KALRN: variants seen among roughly 807,000 people sequenced by gnomAD.
KALRN encodes kalirin RhoGEF kinase, also known as kalirin.
Under a neutral mutation model 353.7 loss-of-function variants are expected in KALRN, and 70 were observed. That is an observed-to-expected ratio of 0.20 (90% CI 0.16 to 0.24). KALRN has a LOEUF of 0.24. KALRN is among the 10% of genes least tolerant of loss of function. The pLI is 1.00. For synonymous variants in KALRN, 1,391 were observed against 1,434.8 expected (o/e 0.97, Z 0.69); for missense variants, 2,791 against 3,756.7 (o/e 0.74, Z 6.72).
chr3:124,573,550 G>A (rs921510919), intron 34 of KALRN, among the ~76,000 whole-genome samples: 3 of 152,078 alleles, frequency 2.0e-5, no homozygotes, highest in African/African-American at 7.2e-5. Flanking sequence ...TACCCAGGCT[G>A]GAGTTCAGTG....
At chr3:124,160,709 T>C (rs908369700) in intron 1 of KALRN, among the ~76,000 whole-genome samples, 3 of 151,998 alleles carry the variant, frequency 2.0e-5, no homozygotes, top group African/African-American at 4.8e-5. Context: ...TTTCTCCTCC[T>C]TGGTGTCGGA....
At chr3:124,504,914 G>A (rs1436990649) in intron 33 of KALRN, 2 of 508,384 alleles carry the variant, frequency 3.9e-6, no homozygotes, top group Non-Finnish European at 8.1e-6. Context: ...TGTTAAAGTG[G>A]ATTAGCTGGA....
At position 124,334,098 on chromosome 3, in the gene KALRN, C is replaced by T. The variant is rs7340609; in HGVS notation, c.1417-167C>T. On this transcript the variant is annotated intron_variant, in intron 8 of 59. Coordinates refer to ENST00000682506, the MANE Select transcript of KALRN (RefSeq NM_001388419.1). The surrounding 1 kb of genome is among the most constrained non-coding windows in gnomAD (Gnocchi z 4.2). ...CCAGCTGCTCTGCCCTCCACCAGGC[C>T]GGAGGATGGGCCCCATGGCAGCTCT... Among the ~76,000 whole-genome samples, 10,279 of 152,212 alleles carry T rather than the reference C, an allele frequency of 0.068. 1,140 individuals are homozygous for T. Among genetic ancestry groups the T allele is most frequent in the African/African-American group, 0.23 (9,614 of 41,488 alleles).
At chr3:124,636,064 G>A (rs747714966) in intron 36 of KALRN, among the ~76,000 whole-genome samples, 2 of 152,052 alleles carry the variant, frequency 1.3e-5, no homozygotes, top group South Asian at 4.1e-4. Flanking sequence ...GCTTTTTCCT[G>A]CAGTCCCCAA....
intron 44 of KALRN, among the ~76,000 whole-genome samples, chr3:124,661,562 C>A (rs73193766): frequency 0.026 from 3,994 of 152,310 alleles, 73 homozygotes; most frequent in East Asian, 0.079. Context: ...TCTGAGAAGG[C>A]AAGGGAATTG....
intron 10 of KALRN, among the ~76,000 whole-genome samples, chr3:124,358,024 T>C (rs2083613276): frequency 6.6e-6 from 1 of 152,144 alleles, no homozygotes; most frequent in Admixed American, 6.5e-5. Context: ...CCACATAACC[T>C]GGAACATAAC....
chr3:124,303,695 A>G (rs2077443818), intron 6 of KALRN, among the ~76,000 whole-genome samples: 1 of 152,170 alleles, frequency 6.6e-6, no homozygotes, highest in African/African-American at 2.4e-5. Context: ...TTCATTTTCT[A>G]TTATGACTGT....
intron 55 of KALRN, 63 bp downstream of exon 55, chr3:124,697,787 G>T: frequency 7.2e-7 from 1 of 1,390,378 alleles, no homozygotes; most frequent in Non-Finnish European, 9.6e-7. Flanking sequence ...TTTTAAAATT[G>T]CAGTAAAACA....
Position 124,632,544 on chromosome 3 carries a change from TAAG to T in KALRN, c.5311_5313del (p.Lys1771del). 6.2e-7 allele frequency: 1 copy of T among 1,614,144 alleles called. No homozygotes were observed. Among genetic ancestry groups the T allele is most frequent in the Non-Finnish European group, 8.5e-7 (1 of 1,180,016 alleles). ...GTCCCAAGCGCTCCACCAACACTCT[TAAG>T]AAGTGGCTGACGAGTCCTGTGCGTC... On this transcript the variant is annotated inframe_deletion, in exon 35 of 60. Transcript: ENST00000682506.
chr3:124,701,908 C>T (rs1411184259), intron 56 of KALRN, 130 bp from the exon 57 acceptor site: 1 of 628,112 alleles, frequency 1.6e-6, no homozygotes, highest in Non-Finnish European at 2.8e-6. Context: ...ATGGCATTTT[C>T]CCACTGAGTC....
intron 1 of KALRN, among the ~76,000 whole-genome samples, chr3:124,194,831 G>A (rs914257976): frequency 1.3e-5 from 2 of 152,072 alleles, no homozygotes; most frequent in Non-Finnish European, 2.9e-5. Flanking sequence ...TCCCTTTCTG[G>A]GTGGGCCCTT....
At chr3:124,233,240 T>C (rs920055932) in intron 2 of KALRN, among the ~76,000 whole-genome samples, 1 of 152,124 alleles carries the variant, frequency 6.6e-6, no homozygotes, top group African/African-American at 2.4e-5. Flanking sequence ...AGAGTGACAA[T>C]GCTTGGGGTG....
intron 10 of KALRN, among the ~76,000 whole-genome samples, chr3:124,356,344 T>A (rs1367511379): frequency 1.3e-5 from 2 of 150,300 alleles, no homozygotes; most frequent in Non-Finnish European, 3.0e-5. Flanking sequence ...TCTTTTTTTT[T>A]TTTTTTGAGA....
chr3:124,285,465 T>A (rs2075742663), intron 5 of KALRN, among the ~76,000 whole-genome samples: 1 of 152,176 alleles, frequency 6.6e-6, no homozygotes, highest in African/African-American at 2.4e-5. Context: ...ATGCAATCTA[T>A]CCGTGTAACA....
chr3:124,614,508 C>T (rs2078346416), intron 34 of KALRN, among the ~76,000 whole-genome samples: 1 of 151,948 alleles, frequency 6.6e-6, no homozygotes, highest in South Asian at 2.1e-4. Flanking sequence ...GATCTGCCCA[C>T]CTCAGCCTCC....
At chr3:124,607,196 T>C (rs2149511147) in intron 34 of KALRN, among the ~76,000 whole-genome samples, 1 of 152,372 alleles carries the variant, frequency 6.6e-6, no homozygotes, top group South Asian at 2.1e-4. Context: ...AATTTTACAG[T>C]GGTGTGGTAT....
intron 49 of KALRN, chr3:124,675,241 C>T (rs180974817): frequency 6.6e-6 from 1 of 152,242 alleles, no homozygotes; most frequent in East Asian, 1.9e-4. Flanking sequence ...GGTTGCAAGA[C>T]CCTTCCGAAC....
At chr3:124,118,652 C>G (rs1318562585) in intron 1 of KALRN, among the ~76,000 whole-genome samples, 3 of 152,176 alleles carry the variant, frequency 2.0e-5, no homozygotes, top group Admixed American at 6.5e-5. Context: ...AAATGCCAGG[C>G]AGTGAGGCCT....
At chr3:124,203,095 C>T (rs1263896855) in intron 1 of KALRN, among the ~76,000 whole-genome samples, 2 of 152,228 alleles carry the variant, frequency 1.3e-5, no homozygotes, top group Non-Finnish European at 2.9e-5. Flanking sequence ...CCTTCCTCCT[C>T]ACTGCAGAAC....
Sources: allele counts gnomAD v4.1 joint callset (sites outside exome capture counted in the v4.1 genomes callset), GRCh38; gene constraint gnomAD v4.1.1; non-coding constraint Gnocchi (gnomAD v3.1); transcripts MANE v1.5; gene names NCBI Gene and HGNC (gene_info 2026-07-23, HGNC 2026-07-21).